AHCY: variants seen among roughly 807,000 people sequenced by gnomAD.
AHCY encodes S-adenosyl-L-homocysteine hydrolase.
AHCY carries 24 observed loss-of-function variants against 45.4 expected under a neutral mutation model. That is an observed-to-expected ratio of 0.53 (90% CI 0.38 to 0.74). The LOEUF is 0.74. Among genes scored for constraint, AHCY ranks in the 30% least tolerant of loss-of-function variants. The pLI is 0.00. For missense variants in AHCY, 449 were observed against 594.1 expected, an observed-to-expected ratio of 0.76 and a Z score of 2.54; for synonymous variants, 245 against 235.1, an observed-to-expected ratio of 1.04 and a Z score of -0.39.
At chr20:34,295,313 C>T in intron 2 of AHCY, 82 bp downstream of exon 2, 1 of 1,557,132 alleles carries the variant, frequency 6.4e-7, no homozygotes. Flanking sequence ...CTGGAAGGTC[C>T]CCACCCTGGC....
chr20:34,302,837 G>A, intron 1 of AHCY: 3 of 985,460 alleles, frequency 3.0e-6, no homozygotes, highest in Non-Finnish European at 3.6e-6. Context: ...GAGGCCCAGA[G>A]AGGGGTGGAC....
chr20:34,266,299 G>A, the AHCY span, among the ~76,000 whole-genome samples: 1 of 151,128 alleles, frequency 6.6e-6, no homozygotes, highest in Non-Finnish European at 1.5e-5. Context: ...ACAGTGAGCC[G>A]AGACCGTGCC....
At chr20:34,283,013 T>C (rs2036052599) in intron 9 of AHCY, among the ~76,000 whole-genome samples, 1 of 152,184 alleles carries the variant, frequency 6.6e-6, no homozygotes, top group African/African-American at 2.4e-5. Context: ...TATCTTCAGA[T>C]GAAGCAAAGA....
the AHCY span, among the ~76,000 whole-genome samples, chr20:34,233,143 C>CTTTTTT: frequency 2.0e-4 from 20 of 100,310 alleles, no homozygotes; most frequent in African/African-American, 5.6e-4. Flanking sequence ...GGGACAAGAG[C>CTTTTTT]TTTTTTTTTT....
chr20:34,278,385 C>T (rs897533948), downstream of AHCY, among the ~76,000 whole-genome samples: 2 of 152,142 alleles, frequency 1.3e-5, no homozygotes, highest in African/African-American at 4.8e-5. Context: ...GGAGGAGACA[C>T]GCTAGAGGGA....
the AHCY span, among the ~76,000 whole-genome samples, chr20:34,249,144 A>G: frequency 6.6e-6 from 1 of 152,088 alleles, no homozygotes; most frequent in Non-Finnish European, 1.5e-5. Context: ...AAAAAAATCT[A>G]ATAATGCAAA....
chr20:34,275,278 G>A (rs995342959), downstream of AHCY, among the ~76,000 whole-genome samples: 1 of 151,948 alleles, frequency 6.6e-6, no homozygotes, highest in African/African-American at 2.4e-5. Flanking sequence ...GATTACAGGT[G>A]TGCTCCACCA....
chr20:34,276,407 G>A (rs909673725), downstream of AHCY, among the ~76,000 whole-genome samples: 11 of 152,176 alleles, frequency 7.2e-5, no homozygotes, highest in African/African-American at 2.4e-4. Context: ...GAGACAGGTT[G>A]AGGAGGGGCA....
rs1458857310 is a variant in AHCY at position 34,280,678 on chromosome 20, C to A, written c.*356G>T. On this transcript the variant is annotated 3_prime_UTR_variant, in exon 10 of 10. Coordinates refer to ENST00000217426, the MANE Select transcript of AHCY (RefSeq NM_000687.4). ...GTAAACCAAGCACACAGGTATAAGTCCACAGACCAGGTGAAGGCCTAGATG... is the reference window on the plus strand; with the variant it reads ...GTAAACCAAGCACACAGGTATAAGTACACAGACCAGGTGAAGGCCTAGATG... 1.1e-5 allele frequency: 4 copies of A among 364,002 alleles called. No homozygotes were observed. The highest frequency in any genetic ancestry group is 9.4e-4 in the Middle Eastern group (1 of 1,060). The allele number at this position is 364,002 out of a possible 1,614,324, so 22.5% of individuals were successfully genotyped here. A position where few individuals can be genotyped will look rare whatever the true frequency, so the allele number is the denominator to read the frequency against.
chr20:34,249,129 GA>G, the AHCY span, among the ~76,000 whole-genome samples: 122 of 146,898 alleles, frequency 8.3e-4, no homozygotes, highest in East Asian at 2.6e-3. Flanking sequence ...ACCCTGTCTC[GA>G]AAAAAAAAAA....
intron 1 of AHCY, 140 bp downstream of exon 1, chr20:34,303,103 G>A (rs1169659941): frequency 6.8e-7 from 1 of 1,481,384 alleles, no homozygotes; most frequent in Non-Finnish European, 9.0e-7. Flanking sequence ...CTTCCAGCTG[G>A]CTTCGCGCGG....
chr20:34,245,977 T>A, the AHCY span: 2 of 1,355,242 alleles, frequency 1.5e-6, no homozygotes, highest in Non-Finnish European at 2.1e-6. Flanking sequence ...CTCCAAGATC[T>A]TTGATGCTGT....
At position 34,292,377 on chromosome 20, in the gene AHCY, C is replaced by T; in HGVS notation, c.426G>A (p.Lys142=). The change falls in exon 4 of 10, where the codon AAG becomes AAA. Residue 142 remains lysine, a synonymous_variant. Transcript: ENST00000217426. ...GGDLTNLIHT[K]YPQLLPGIRG... ...GCTCACCTGGCAGAAGCTGCGGGTA[C>T]TTGGTGTGGATGAGGTTGGTGAGGT... 1 of 1,613,496 alleles carries T rather than the reference C, an allele frequency of 6.2e-7. No homozygotes were observed.
chr20:34,248,713 T>C, the AHCY span, among the ~76,000 whole-genome samples: 7 of 151,928 alleles, frequency 4.6e-5, no homozygotes, highest in African/African-American at 9.7e-5. Context: ...TGTGGGAGGA[T>C]TGCTTGAGCC....
At chr20:34,243,860 C>T in the AHCY span, among the ~76,000 whole-genome samples, 1 of 151,442 alleles carries the variant, frequency 6.6e-6, no homozygotes, top group Admixed American at 6.6e-5. Flanking sequence ...GTCAGGAGAT[C>T]GAGACCATCC....
the AHCY span, among the ~76,000 whole-genome samples, chr20:34,233,171 A>C: frequency 2.3e-5 from 3 of 130,920 alleles, no homozygotes; most frequent in Admixed American, 7.8e-5. Flanking sequence ...TTTTTGATAC[A>C]GAGTCTCGCT....
At chr20:34,307,352 C>T (rs1428159633), upstream of AHCY, among the ~76,000 whole-genome samples, 1 of 152,000 alleles carries the variant, frequency 6.6e-6, no homozygotes, top group East Asian at 1.9e-4. Flanking sequence ...AGCCTCCCAA[C>T]ATGCTGAGGT....
In AHCY at chr20:34,285,542, G is replaced by A; in HGVS notation, c.1065C>T (p.Ser355=). 6.2e-7 allele frequency: 1 copy of A among 1,614,184 alleles called. No individual in the cohort carries two copies. The highest frequency in any genetic ancestry group is 8.5e-7 in the Non-Finnish European group (1 of 1,180,012). The change falls in exon 9 of 10, where the codon AGC becomes AGT. Residue 355 remains serine (S), a synonymous_variant. Transcript: ENST00000217426. ...VNLGCAMGHP[S]FVMSNSFTNQ... ...TGGTGAAGGAGTTACTCATCACGAAGCTGGGGTGGCCCATGGCACAACCCA... is the reference window on the plus strand; with the variant it reads ...TGGTGAAGGAGTTACTCATCACGAAACTGGGGTGGCCCATGGCACAACCCA...
the AHCY span, among the ~76,000 whole-genome samples, chr20:34,265,237 T>G: frequency 6.6e-6 from 1 of 152,130 alleles, no homozygotes. Flanking sequence ...AAAAATAATA[T>G]GAGGGCCAGG....
Sources: allele counts gnomAD v4.1 joint callset (sites outside exome capture counted in the v4.1 genomes callset), GRCh38; gene constraint gnomAD v4.1.1; transcripts MANE v1.5; gene names NCBI Gene and HGNC (gene_info 2026-07-23, HGNC 2026-07-21).